MMP16: variants seen among roughly 807,000 people sequenced by gnomAD.
The protein encoded by MMP16 is matrix metalloproteinase-16.
In MMP16, 12 loss-of-function variants were observed where a neutral mutation model predicts 67.8. That is an observed-to-expected ratio of 0.18 (90% confidence interval 0.11 to 0.29). The LOEUF (loss-of-function observed/expected upper bound fraction) is 0.29, where lower values mean the gene tolerates loss of function less well. Among genes scored for constraint, MMP16 ranks in the 10% least tolerant of loss-of-function variants. MMP16 has a pLI of 1.00. For missense variants in MMP16, 475 were observed against 765.7 expected (o/e 0.62, Z 4.48); for synonymous variants, 249 against 255.9 (o/e 0.97, Z 0.26).
chr8:88,159,247 T>C (rs1023466431), intron 4 of MMP16, among the ~76,000 whole-genome samples: 1 of 152,214 alleles, frequency 6.6e-6, no homozygotes, highest in Non-Finnish European at 1.5e-5. Flanking sequence ...ATCTATAAAT[T>C]ACCTTGGGCA....
intron 6 of MMP16, among the ~76,000 whole-genome samples, chr8:88,079,479 C>G (rs1280315864): frequency 1.3e-5 from 2 of 152,126 alleles, no homozygotes; most frequent in Non-Finnish European, 2.9e-5. Flanking sequence ...GAGGCATCCA[C>G]TGGGGGTCCT....
At chr8:88,297,245 C>T (rs1328760987) in intron 1 of MMP16, among the ~76,000 whole-genome samples, 1 of 152,054 alleles carries the variant, frequency 6.6e-6, no homozygotes, top group African/African-American at 2.4e-5. Context: ...TACAGTCCTA[C>T]CACCAAAGGC....
intron 4 of MMP16, among the ~76,000 whole-genome samples, chr8:88,154,650 A>G (rs990690917): frequency 4.6e-4 from 68 of 149,112 alleles, no homozygotes; most frequent in African/African-American, 1.7e-3. Context: ...TCTCACTCAT[A>G]GGTGGGAATT....
chr8:88,088,222 CCTATAGATATATATAGATAT>C (rs1808875491), intron 6 of MMP16, among the ~76,000 whole-genome samples: 1 of 150,006 alleles, frequency 6.7e-6, no homozygotes, highest in African/African-American at 2.5e-5. Flanking sequence ...GTGTTAAGCC[CCTATAGATATATATAGATAT>C]CTATAGATAT....
intron 2 of MMP16, among the ~76,000 whole-genome samples, chr8:88,193,780 G>A (rs1331388145): frequency 6.6e-6 from 1 of 151,894 alleles, no homozygotes; most frequent in Non-Finnish European, 1.5e-5. Flanking sequence ...GCACACTTGA[G>A]TGCATGCCAC....
At chr8:88,052,715 TG>T (rs1808286170) in intron 8 of MMP16, among the ~76,000 whole-genome samples, 1 of 152,242 alleles carries the variant, frequency 6.6e-6, no homozygotes, top group African/African-American at 2.4e-5. Context: ...ACACTGTTTT[TG>T]AACAATCCAA....
Position 88,244,361 on chromosome 8 carries a change from G to A in MMP16, c.133-47055C>T, listed in dbSNP as rs1810078245. 2.0e-5 allele frequency among the ~76,000 whole-genome samples: 3 copies of A among 152,278 alleles called. No individual in the cohort carries two copies. The South Asian group carries it at 6.2e-4, about 32-fold the overall frequency. Reference sequence around the variant, plus strand: ...TCTTAAACGTGACTGAAAAGCATCAGTGGACTTGAATGTAAAAGCCATATC... The same window carrying A: ...TCTTAAACGTGACTGAAAAGCATCAATGGACTTGAATGTAAAAGCCATATC... On this transcript the variant is annotated intron_variant, in intron 1 of 9. Coordinates refer to ENST00000286614, the MANE Select transcript of MMP16 (RefSeq NM_005941.5).
At position 88,041,291 on chromosome 8, in the gene MMP16, T is replaced by A; in HGVS notation, c.*170A>T. The A allele has an allele frequency of 1.6e-6, 1 of 625,718 alleles. No homozygotes were observed. The highest frequency in any genetic ancestry group is 2.0e-5 in the South Asian group (1 of 50,298). The allele number at this position is 625,718 out of a possible 1,614,324, so 38.8% of individuals were successfully genotyped here. A position where few individuals can be genotyped will look rare whatever the true frequency, so the allele number is the denominator to read the frequency against. ...TGCATCATGGAAGCTTCCCCATGAG[T>A]GTATTTCCACTCATGTGCAGGACCA... On this transcript the variant is annotated 3_prime_UTR_variant, in exon 10 of 10. Transcript: ENST00000286614. This position sits in a 1 kb window ranked among gnomAD's most constrained non-coding sequence, Gnocchi z 6.0.
chr8:88,078,234 A>G (rs1373064268), intron 6 of MMP16, among the ~76,000 whole-genome samples: 1 of 152,164 alleles, frequency 6.6e-6, no homozygotes, highest in Non-Finnish European at 1.5e-5. Context: ...CAGTACTTAT[A>G]CATTACCAAA....
At chr8:88,126,818 A>G (rs1807940721) in intron 4 of MMP16, among the ~76,000 whole-genome samples, 1 of 151,918 alleles carries the variant, frequency 6.6e-6, no homozygotes, top group South Asian at 2.1e-4. Flanking sequence ...AGTGGGTGTG[A>G]CATCACCTAT....
At chr8:88,114,276 G>A (rs1403750785) in intron 6 of MMP16, among the ~76,000 whole-genome samples, 2 of 151,510 alleles carry the variant, frequency 1.3e-5, no homozygotes, top group African/African-American at 4.8e-5. Flanking sequence ...TAACATGTCT[G>A]TTTTTTCTCC....
intron 6 of MMP16, among the ~76,000 whole-genome samples, chr8:88,101,093 T>C (rs1280392273): frequency 6.6e-6 from 1 of 151,812 alleles, no homozygotes; most frequent in Non-Finnish European, 1.5e-5. Context: ...CTGCACGTTG[T>C]GCACATGTAC....
At chr8:88,201,459 C>G (rs1276462944) in intron 1 of MMP16, among the ~76,000 whole-genome samples, 3 of 151,952 alleles carry the variant, frequency 2.0e-5, no homozygotes, top group African/African-American at 7.3e-5. Flanking sequence ...TAGAAAAGTG[C>G]AAAGGTGATA....
chr8:88,287,932 A>G (rs569833815), intron 1 of MMP16, among the ~76,000 whole-genome samples: 11 of 152,354 alleles, frequency 7.2e-5, no homozygotes, highest in Non-Finnish European at 1.6e-4. Context: ...ATGAAAGAGT[A>G]AGAGTAATAC....
chr8:88,294,393 T>TATGTATATACATATATACACATATATAC (rs1810974978), intron 1 of MMP16, among the ~76,000 whole-genome samples: 1 of 150,594 alleles, frequency 6.6e-6, no homozygotes, highest in Non-Finnish European at 1.5e-5. Flanking sequence ...CACACATATA[T>TATGTATATACATATATACACATATATAC]ACATATGTAT....
chr8:88,154,680 A>G (rs1808476281), intron 4 of MMP16, among the ~76,000 whole-genome samples: 1 of 148,706 alleles, frequency 6.7e-6, no homozygotes, highest in Non-Finnish European at 1.5e-5. Flanking sequence ...GATCACATGG[A>G]CACATGAAGG....
chr8:88,051,291 T>C (rs955951073), intron 8 of MMP16, among the ~76,000 whole-genome samples: 4 of 152,168 alleles, frequency 2.6e-5, no homozygotes, highest in Admixed American at 2.0e-4. Context: ...TATAGATGCA[T>C]TGAGAAGTAA....
chr8:88,134,161 A>G (rs566138963), intron 4 of MMP16, among the ~76,000 whole-genome samples: 25 of 151,896 alleles, frequency 1.6e-4, no homozygotes, highest in Admixed American at 7.9e-4. Flanking sequence ...AGCTAATGAG[A>G]AACTCTAACT....
At chr8:88,200,381 A>G (rs1809323896) in intron 1 of MMP16, among the ~76,000 whole-genome samples, 2 of 152,030 alleles carry the variant, frequency 1.3e-5, no homozygotes, top group African/African-American at 2.4e-5. Context: ...ACTCTTTACT[A>G]TCTGGGACTT....
Sources: gnomAD v4.1 joint callset for allele counts (sites outside exome capture counted in the v4.1 genomes callset) on GRCh38, gnomAD v4.1.1 for gene constraint, Gnocchi (gnomAD v3.1) non-coding constraint, MANE v1.5 for transcripts, NCBI Gene and HGNC (gene_info 2026-07-23, HGNC 2026-07-21) for gene names.